The following PTPRN2 variants were observed in gnomAD, a reference collection of about 807,000 sequenced individuals.
The protein encoded by PTPRN2 is receptor-type tyrosine-protein phosphatase N2.
A neutral mutation model predicts 118.8 loss-of-function variants in PTPRN2; 74 were observed. The observed-to-expected ratio is 0.62, with a 90% confidence interval of 0.52 to 0.76. The LOEUF (loss-of-function observed/expected upper bound fraction) is 0.76. Ranked by LOEUF, PTPRN2 falls within the 30% of genes least tolerant of loss-of-function variation. PTPRN2 has a pLI of 0.00. For missense variants in PTPRN2, 1,481 were observed against 1,394.4 expected (o/e 1.06, Z -0.99); for synonymous variants, 641 against 608.0 (o/e 1.05, Z -0.80).
At chr7:157,825,430 C>A (rs1807110279) in intron 12 of PTPRN2, among the ~76,000 whole-genome samples, 1 of 152,172 alleles carries the variant, frequency 6.6e-6, no homozygotes, top group Non-Finnish European at 1.5e-5. Flanking sequence ...ACTTCTTCCA[C>A]AGGAAATGAA....
chr7:158,341,275 C>G (rs1332521524), intron 2 of PTPRN2, among the ~76,000 whole-genome samples: 2 of 148,904 alleles, frequency 1.3e-5, no homozygotes, highest in Non-Finnish European at 3.0e-5. Flanking sequence ...CACACCCACA[C>G]TCTCACCATA....
At chr7:157,797,330 G>A (rs1364074881) in intron 12 of PTPRN2, among the ~76,000 whole-genome samples, 1 of 152,212 alleles carries the variant, frequency 6.6e-6, no homozygotes, top group East Asian at 1.9e-4. Context: ...TGCTGGGCCT[G>A]CAGGACATCC....
chr7:158,071,020 T>C (rs1475971152), intron 11 of PTPRN2, among the ~76,000 whole-genome samples: 37 of 90,134 alleles, frequency 4.1e-4, no homozygotes, highest in Non-Finnish European at 6.1e-4. Context: ...GAGGTGCTCG[T>C]GGTGGAGGTG....
chr7:157,600,402 G>C (rs762084419), intron 16 of PTPRN2, among the ~76,000 whole-genome samples: 1 of 152,252 alleles, frequency 6.6e-6, no homozygotes, highest in Non-Finnish European at 1.5e-5. Context: ...GGAAATTGTA[G>C]CTTCAGTAAT....
intron 2 of PTPRN2, among the ~76,000 whole-genome samples, chr7:158,334,455 TGACGCCCA>T (rs1563160338): frequency 0.015 from 147 of 9,516 alleles, no homozygotes; most frequent in Non-Finnish European, 0.025. Context: ...CCATAAGAGG[TGACGCCCA>T]TAGACGTCAC....
chr7:157,774,548 A>G (rs959525100), intron 12 of PTPRN2, among the ~76,000 whole-genome samples: 1 of 152,224 alleles, frequency 6.6e-6, no homozygotes, highest in Non-Finnish European at 1.5e-5. Flanking sequence ...CGCAGTTCAT[A>G]ATCTAGGTTG....
chr7:158,535,223 A>G (rs979418833), intron 1 of PTPRN2, among the ~76,000 whole-genome samples: 2 of 152,252 alleles, frequency 1.3e-5, no homozygotes, highest in Non-Finnish European at 2.9e-5. Context: ...CGAAGAAAAC[A>G]GCAGCTTTGA....
At chr7:157,803,026 A>G (rs923256445) in intron 12 of PTPRN2, among the ~76,000 whole-genome samples, 12 of 152,142 alleles carry the variant, frequency 7.9e-5, no homozygotes, top group African/African-American at 2.9e-4. Flanking sequence ...ATGCAGTGGC[A>G]CCATCTCGGC....
chr7:158,224,750 T>G (rs1241810574), intron 3 of PTPRN2, among the ~76,000 whole-genome samples: 6 of 152,152 alleles, frequency 3.9e-5, no homozygotes, highest in Non-Finnish European at 5.9e-5. Context: ...AATTAAAAAC[T>G]TTTGCTCTGT....
chr7:158,430,055 A>G (rs969323554), intron 2 of PTPRN2, among the ~76,000 whole-genome samples: 8 of 152,048 alleles, frequency 5.3e-5, no homozygotes, highest in Non-Finnish European at 1.2e-4. Context: ...TTACAGGTGC[A>G]CGCTACCACG....
At chr7:157,788,790 G>A (rs994843056) in intron 12 of PTPRN2, among the ~76,000 whole-genome samples, 2 of 152,120 alleles carry the variant, frequency 1.3e-5, no homozygotes, top group Non-Finnish European at 2.9e-5. Flanking sequence ...GGAGGCTTCT[G>A]GGGCCAGCCC....
At position 158,077,399 on chromosome 7, in the gene PTPRN2, G is replaced by A. The variant is rs148473189; in HGVS notation, c.1723+3899C>T. On this transcript the variant is annotated intron_variant, in intron 11 of 22. Coordinates refer to ENST00000389418, the MANE Select transcript of PTPRN2 (RefSeq NM_002847.5). ...CGCCGCTACTGAAATGACACGGGGC[G>A]CCTCTCCAACAGGCTGAAAGAAACA... Among the ~76,000 whole-genome samples the A allele has an allele frequency of 6.1e-4, 93 of 152,302 alleles. 1 individual carries two copies. Among genetic ancestry groups the A allele is most frequent in the African/African-American group, 2.0e-3 (82 of 41,566 alleles).
chr7:158,304,018 C>T (rs907614969), intron 3 of PTPRN2, among the ~76,000 whole-genome samples: 2 of 152,228 alleles, frequency 1.3e-5, no homozygotes, highest in South Asian at 4.1e-4. Flanking sequence ...AGACATCCAA[C>T]AATACACTAA....
At chr7:157,718,206 T>G (rs562875464) in intron 12 of PTPRN2, among the ~76,000 whole-genome samples, 23 of 152,254 alleles carry the variant, frequency 1.5e-4, no homozygotes, top group Non-Finnish European at 2.8e-4. Flanking sequence ...ACAATTTGAA[T>G]GAACGTGGCA....
At chr7:158,131,907 C>A (rs889835306) in intron 9 of PTPRN2, among the ~76,000 whole-genome samples, 1 of 151,130 alleles carries the variant, frequency 6.6e-6, no homozygotes, top group Non-Finnish European at 1.5e-5. Context: ...TGGGCATATA[C>A]ACAAACCAAT....
chr7:158,232,844 A>G (rs1471483602), intron 3 of PTPRN2, among the ~76,000 whole-genome samples: 1 of 152,214 alleles, frequency 6.6e-6, no homozygotes, highest in Non-Finnish European at 1.5e-5. Context: ...TCATTTCAAT[A>G]GATGCTAAAA....
chr7:158,044,940 C>CA (rs1808737286), intron 11 of PTPRN2, among the ~76,000 whole-genome samples: 2 of 152,100 alleles, frequency 1.3e-5, no homozygotes, highest in Admixed American at 6.5e-5. Context: ...AGGGCAGCCC[C>CA]AAACAATAAC....
At chr7:157,735,925 C>T (rs888515859) in intron 12 of PTPRN2, among the ~76,000 whole-genome samples, 2 of 152,208 alleles carry the variant, frequency 1.3e-5, no homozygotes, top group Non-Finnish European at 2.9e-5. Flanking sequence ...AGAAGCTGCC[C>T]CAAGATTCTC....
At chr7:157,767,025 G>A (rs1476219598) in intron 12 of PTPRN2, among the ~76,000 whole-genome samples, 1 of 152,134 alleles carries the variant, frequency 6.6e-6, no homozygotes, top group African/African-American at 2.4e-5. Context: ...GCACCACCTA[G>A]CACCATACAA....
Sources: gnomAD v4.1 joint callset for allele counts (sites outside exome capture counted in the v4.1 genomes callset) on GRCh38, gnomAD v4.1.1 for gene constraint, MANE v1.5 for transcripts, NCBI Gene and HGNC (gene_info 2026-07-23, HGNC 2026-07-21) for gene names.